RELN: variants seen among roughly 807,000 people sequenced by gnomAD.
RELN encodes the protein reelin.
Under a neutral mutation model 427.6 loss-of-function variants are expected in RELN, and 108 were observed. The ratio of observed to expected loss-of-function variants is 0.25; its 90% CI spans 0.22 to 0.30. RELN has a LOEUF of 0.30. Among genes scored for constraint, RELN ranks in the 10% least tolerant of loss-of-function variants. The pLI is 1.00. For missense variants in RELN, 3,715 were observed against 4,302.8 expected (o/e 0.86, Z 3.82); for synonymous variants, 1,524 against 1,513.4 (o/e 1.01, Z -0.16).
intron 1 of RELN, among the ~76,000 whole-genome samples, chr7:103,934,376 C>G (rs1337100713): frequency 4.6e-5 from 7 of 152,138 alleles, no homozygotes; most frequent in Non-Finnish European, 1.0e-4. Flanking sequence ...ACACTTTATC[C>G]TTTGCCAGGA....
In RELN at chr7:103,626,261, G is replaced by A. The variant is rs368522172; in HGVS notation, c.2702+3679C>T. On this transcript the variant is annotated intron_variant, in intron 20 of 64. Transcript: ENST00000428762. The surrounding 1 kb of genome is among the most constrained non-coding windows in gnomAD (Gnocchi z 4.4). ...TGTGAGAATTTGAAATCAGGCCTAC[G>A]ACCTCAAAGCCTATGTTTCTACCAC... is the stretch of plus-strand genomic sequence containing the variant. 9.3e-4 allele frequency among the ~76,000 whole-genome samples: 141 copies of A among 152,116 alleles called. 2 individuals are homozygous for A. The highest frequency in any genetic ancestry group is 3.1e-3 in the African/African-American group (130 of 41,516).
chr7:103,823,323 T>C (rs1219964283), intron 3 of RELN, among the ~76,000 whole-genome samples: 1 of 152,116 alleles, frequency 6.6e-6, no homozygotes, highest in Non-Finnish European at 1.5e-5. Context: ...AATCTGTTTA[T>C]ATTTATTGTA....
In RELN at chr7:103,909,691, ATATATATTTAATAT is replaced by A. The variant is rs1795301052; in HGVS notation, c.337+7370_337+7383del. ...TATATATTAAATATATTTAATAAAT[ATATATATTTAATAT>A]ATATAAATATATATTAAATATATTT... On this transcript the variant is annotated intron_variant, in intron 2 of 64. Transcript: ENST00000428762. Among the ~76,000 whole-genome samples the A allele has an allele frequency of 1.1e-4, 7 of 64,774 alleles. No homozygotes were observed. In the East Asian group the frequency reaches 2.9e-3, roughly 26 times the overall value. 42.5% of individuals were successfully genotyped at this position (64,774 alleles called of 152,430 possible). A position where few individuals can be genotyped will look rare whatever the true frequency, so the allele number is the denominator to read the frequency against.
Position 103,826,265 on chromosome 7 carries a change from A to G in RELN, c.473+7272T>C, listed in dbSNP as rs1436554848. Among the ~76,000 whole-genome samples, 7 of 151,286 alleles carry G rather than the reference A, an allele frequency of 4.6e-5. No homozygotes were observed. In the South Asian group the frequency reaches 1.3e-3, roughly 27 times the overall value. ...ATTAGCCAAAAATCTTCTATTGTTT[A>G]TAAATGATCCTGTCTCAGGTATTCT... On this transcript the variant is annotated intron_variant, in intron 3 of 64. Coordinates refer to ENST00000428762, the MANE Select transcript of RELN (RefSeq NM_005045.4).
intron 51 of RELN, among the ~76,000 whole-genome samples, chr7:103,508,153 A>G (rs1471718734): frequency 6.6e-6 from 1 of 152,208 alleles, no homozygotes; most frequent in East Asian, 1.9e-4. Flanking sequence ...CGAACAATAG[A>G]AAAAGAGGGA....
chr7:103,601,280 C>T (rs112577131), intron 24 of RELN, among the ~76,000 whole-genome samples: 10 of 152,196 alleles, frequency 6.6e-5, no homozygotes, highest in African/African-American at 1.9e-4. Context: ...GATAACTGAG[C>T]GACTATTATC....
In RELN at chr7:103,602,647, C is replaced by CAGGG. The variant is rs200439605; in HGVS notation, c.3333+653_3333+656dup. Among the ~76,000 whole-genome samples the CAGGG allele has an allele frequency of 5.1e-3, 774 of 152,132 alleles. 7 individuals are homozygous for CAGGG. The highest frequency in any genetic ancestry group is 0.015 in the African/African-American group (627 of 41,492). On this transcript the variant is annotated intron_variant, in intron 24 of 64. Transcript: ENST00000428762. ...GTTGAACAATGAGAGAACATGGCCA[C>CAGGG]AGGGAGGGGAACATCACACACTGGG...
chr7:103,540,285 G>T lies in RELN; in HGVS notation c.6842C>A (p.Pro2281His). 6.2e-7 allele frequency: 1 copy of T among 1,614,126 alleles called. No individual in the cohort carries two copies. The highest frequency in any genetic ancestry group is 8.5e-7 in the Non-Finnish European group (1 of 1,180,016). ...NVGRYIALEI[P>H]LKARSGSTRL... ...AGTAGAACCAGAACGGGCTTTCAAG[G>T]GTATCTCCAGGGCAATGTACCTGCC... Residue 2281 changes from proline to histidine, a missense_variant, in exon 44 of 65, where the codon CCC (proline) becomes CAC (histidine). Transcript: ENST00000428762.
At chr7:103,568,619 A>G (rs1478263153) in intron 31 of RELN, among the ~76,000 whole-genome samples, 1 of 152,212 alleles carries the variant, frequency 6.6e-6, no homozygotes, top group African/African-American at 2.4e-5. Flanking sequence ...CATAAGCTCT[A>G]GTCTCCAAAC....
chr7:103,863,294 C>T (rs1411685190), intron 2 of RELN, among the ~76,000 whole-genome samples: 1 of 151,984 alleles, frequency 6.6e-6, no homozygotes, highest in Non-Finnish European at 1.5e-5. Context: ...GACACATGAA[C>T]CATATGAAAG....
intron 2 of RELN, among the ~76,000 whole-genome samples, chr7:103,902,431 G>A (rs536112557): frequency 3.9e-4 from 60 of 152,116 alleles, no homozygotes; most frequent in Non-Finnish European, 2.9e-5. Context: ...ATTTACAAGA[G>A]TTCAAGTGGA....
chr7:103,545,928 A>G (rs10155969), intron 41 of RELN, among the ~76,000 whole-genome samples: 41,154 of 152,090 alleles, frequency 0.27, 7,744 homozygotes, highest in African/African-American at 0.53. Flanking sequence ...GAGCCACCGC[A>G]CCCGGCCCCT....
At position 103,694,452 on chromosome 7, in the gene RELN, G is replaced by A. The variant is rs528082356; in HGVS notation, c.1143+3401C>T. ...CAGCATCTTCTTTACAGGTTTATAA[G>A]GATCCAGTTAAATGAGATGATGATG... On this transcript the variant is annotated intron_variant, in intron 10 of 64. Coordinates refer to ENST00000428762, the MANE Select transcript of RELN (RefSeq NM_005045.4). 2.1e-3 allele frequency among the ~76,000 whole-genome samples: 303 copies of A among 145,458 alleles called. 1 individual carries two copies. The highest frequency in any genetic ancestry group is 7.5e-3 in the African/African-American group (287 of 38,302).
intron 28 of RELN, among the ~76,000 whole-genome samples, chr7:103,578,349 A>G (rs1208506695): frequency 2.0e-5 from 3 of 152,146 alleles, no homozygotes; most frequent in Non-Finnish European, 2.9e-5. Flanking sequence ...AAAAACACCA[A>G]AAGACTAATC....
At chr7:103,681,241 C>T (rs371936917) in intron 11 of RELN, among the ~76,000 whole-genome samples, 3 of 152,134 alleles carry the variant, frequency 2.0e-5, no homozygotes, top group East Asian at 3.9e-4. Flanking sequence ...CAATACTAGC[C>T]ATCTTGCCAC....
intron 4 of RELN, among the ~76,000 whole-genome samples, chr7:103,774,827 T>A (rs1791698067): frequency 6.6e-6 from 1 of 152,194 alleles, no homozygotes; most frequent in Non-Finnish European, 1.5e-5. Context: ...ATGAGTTAGA[T>A]GCTATTGAAA....
intron 1 of RELN, among the ~76,000 whole-genome samples, chr7:103,969,536 T>G (rs1482479451): frequency 6.6e-6 from 1 of 152,130 alleles, no homozygotes; most frequent in East Asian, 1.9e-4. Flanking sequence ...GGAGAAAAAT[T>G]TTCTATTAAT....
intron 6 of RELN, among the ~76,000 whole-genome samples, chr7:103,746,298 T>G (rs1790828982): frequency 6.6e-6 from 1 of 152,160 alleles, no homozygotes; most frequent in African/African-American, 2.4e-5. Context: ...ATGTTAGACC[T>G]AAAACCATAA....
At position 103,603,351 on chromosome 7, in the gene RELN, G is replaced by T. The variant is rs747001627; in HGVS notation, c.3286C>A (p.Gln1096Lys). ...VIGGEIVKPEQGCGVISSGSS... is the reference protein window; with the variant it reads ...VIGGEIVKPEKGCGVISSGSS... ...CCAGAAGAGATGACACCACACCCTT[G>T]TTCTGGTTTTACAATTTCTCCCCCA... The change falls in exon 24 of 65, where the codon CAA (glutamine) becomes AAA (lysine). Residue 1096 changes from glutamine (Q) to lysine (K), a missense_variant. Coordinates refer to ENST00000428762, the MANE Select transcript of RELN (RefSeq NM_005045.4). The surrounding 1 kb of genome is among the most constrained non-coding windows in gnomAD (Gnocchi z 4.3). 4 of 1,613,880 alleles carry T rather than the reference G, an allele frequency of 2.5e-6. No individual in the cohort carries two copies. The highest frequency in any genetic ancestry group is 3.4e-6 in the Non-Finnish European group (4 of 1,179,814).
Sources: allele counts gnomAD v4.1 joint callset (sites outside exome capture counted in the v4.1 genomes callset), GRCh38; gene constraint gnomAD v4.1.1; non-coding constraint Gnocchi (gnomAD v3.1); transcripts MANE v1.5; gene names NCBI Gene and HGNC (gene_info 2026-07-23, HGNC 2026-07-21).